Variants in SRPK2 observed in about 807,000 individuals in gnomAD.
The protein encoded by SRPK2 is SRSF protein kinase 2.
SRPK2 carries 21 observed loss-of-function variants against 90.8 expected under a neutral mutation model. The ratio of observed to expected loss-of-function variants is 0.23; its 90% confidence interval spans 0.16 to 0.33. The LOEUF is 0.33. Ranked by LOEUF, SRPK2 falls within the 10% of genes least tolerant of loss-of-function variation. The probability of loss-of-function intolerance (pLI) is 1.00; values close to 1 mark genes in which losing one functional copy is unlikely to be tolerated. For synonymous variants in SRPK2, 288 were observed against 311.1 expected (o/e 0.93, Z 0.78); for missense variants, 620 against 869.0 (o/e 0.71, Z 3.60).
At chr7:105,170,117 G>C (rs776197403) in intron 3 of SRPK2, among the ~76,000 whole-genome samples, 34 of 152,088 alleles carry the variant, frequency 2.2e-4, no homozygotes, top group Admixed American at 3.3e-4. Flanking sequence ...ACCTGGCCAA[G>C]GTTCTGTATT....
At chr7:105,241,574 T>C (rs2129624158) in intron 2 of SRPK2, among the ~76,000 whole-genome samples, 1 of 152,266 alleles carries the variant, frequency 6.6e-6, no homozygotes, top group South Asian at 2.1e-4. Context: ...ACTAGCACAA[T>C]GAGGTTAGGC....
chr7:105,148,309 T>C (rs1281111108), intron 7 of SRPK2, among the ~76,000 whole-genome samples: 1 of 152,198 alleles, frequency 6.6e-6, no homozygotes, highest in African/African-American at 2.4e-5. Flanking sequence ...GAAAATAGCC[T>C]TGGTATCTAG....
intron 2 of SRPK2, among the ~76,000 whole-genome samples, chr7:105,228,381 T>C (rs1270788223): frequency 4.6e-5 from 7 of 152,232 alleles, no homozygotes; most frequent in Non-Finnish European, 8.8e-5. Flanking sequence ...TTACATTTCA[T>C]AAAAGATGTT....
At chr7:105,168,745 ATGTGTGTGTG>A (rs58073613) in intron 4 of SRPK2, among the ~76,000 whole-genome samples, 38 of 104,082 alleles carry the variant, frequency 3.7e-4, no homozygotes, top group East Asian at 5.2e-4. Flanking sequence ...CACGCACCAA[ATGTGTGTGTG>A]TGTGTGTGTG....
chr7:105,277,190 T>A (rs1366340376), intron 2 of SRPK2, among the ~76,000 whole-genome samples: 1 of 151,992 alleles, frequency 6.6e-6, no homozygotes, highest in Non-Finnish European at 1.5e-5. Flanking sequence ...CAGTCTCCTG[T>A]CTCAGCCTCC....
intron 2 of SRPK2, among the ~76,000 whole-genome samples, chr7:105,273,322 T>C (rs1806080303): frequency 2.0e-5 from 3 of 152,130 alleles, no homozygotes; most frequent in Non-Finnish European, 4.4e-5. Flanking sequence ...AAGCATGCCA[T>C]GCTTTTTCAC....
intron 13 of SRPK2, among the ~76,000 whole-genome samples, chr7:105,130,526 G>A (rs1257981778): frequency 6.6e-6 from 1 of 151,866 alleles, no homozygotes; most frequent in Non-Finnish European, 1.5e-5. Context: ...CTTCAGCTTG[G>A]GGAACAGAGC....
intron 2 of SRPK2, among the ~76,000 whole-genome samples, chr7:105,380,158 G>C (rs187146661): frequency 6.6e-4 from 101 of 152,328 alleles, no homozygotes; most frequent in Admixed American, 4.4e-3. Flanking sequence ...TTAAGAGGGA[G>C]TTTCACTGCG....
intron 15 of SRPK2, 148 bp from the exon 16 acceptor site, chr7:105,118,170 A>T: frequency 1.4e-6 from 1 of 730,862 alleles, no homozygotes; most frequent in Non-Finnish European, 2.2e-6. Context: ...TTTCCCCACT[A>T]AGCAATAATC....
intron 2 of SRPK2, among the ~76,000 whole-genome samples, chr7:105,380,858 C>T (rs1820863937): frequency 6.6e-6 from 1 of 150,610 alleles, no homozygotes. Context: ...ATTAGTGGAG[C>T]CACAGCTGAC....
chr7:105,275,161 T>C (rs6975268), intron 2 of SRPK2, among the ~76,000 whole-genome samples: 130,421 of 152,196 alleles, frequency 0.86, 55,969 homozygotes, highest in East Asian at 0.97. Context: ...GCTGGGAGTA[T>C]AAGCATGAGC....
intron 2 of SRPK2, among the ~76,000 whole-genome samples, chr7:105,303,979 G>A (rs909653198): frequency 6.6e-6 from 1 of 152,170 alleles, no homozygotes; most frequent in African/African-American, 2.4e-5. Flanking sequence ...CGGTAGAGTT[G>A]ACTTCAAAAG....
chr7:105,369,565 C>T (rs1179251204), intron 2 of SRPK2, among the ~76,000 whole-genome samples: 2 of 152,170 alleles, frequency 1.3e-5, no homozygotes, highest in Non-Finnish European at 2.9e-5. Flanking sequence ...CACAGCTATA[C>T]ACGATGTATT....
At chr7:105,324,331 CTTTTT>C in intron 2 of SRPK2, among the ~76,000 whole-genome samples, 1 of 146,810 alleles carries the variant, frequency 6.8e-6, no homozygotes, top group African/African-American at 2.5e-5. Context: ...TCCCTTCTTT[CTTTTT>C]TTTTGAGATG....
At chr7:105,280,449 ATGT>A (rs953718122) in intron 2 of SRPK2, among the ~76,000 whole-genome samples, 4 of 151,752 alleles carry the variant, frequency 2.6e-5, no homozygotes, top group Non-Finnish European at 1.5e-5. Flanking sequence ...AAAAATTAAG[ATGT>A]TATTATTTAT....
intron 2 of SRPK2, among the ~76,000 whole-genome samples, chr7:105,257,774 A>G (rs1312657397): frequency 6.6e-6 from 1 of 152,202 alleles, no homozygotes; most frequent in Non-Finnish European, 1.5e-5. Context: ...ATTAAGCTTT[A>G]AAAAGCATTA....
chr7:105,304,661 A>G (rs748496989), intron 2 of SRPK2, among the ~76,000 whole-genome samples: 37 of 152,338 alleles, frequency 2.4e-4, no homozygotes, highest in Non-Finnish European at 5.0e-4. Flanking sequence ...CCCATTAGAC[A>G]GTATCCCGAG....
intron 2 of SRPK2, among the ~76,000 whole-genome samples, chr7:105,233,203 T>G (rs930459951): frequency 4.0e-5 from 6 of 151,836 alleles, no homozygotes; most frequent in Non-Finnish European, 5.9e-5. Context: ...TAATAGTCTT[T>G]GATAGAAACT....
At chr7:105,373,118 T>C (rs565222966) in intron 2 of SRPK2, among the ~76,000 whole-genome samples, 1 of 152,238 alleles carries the variant, frequency 6.6e-6, no homozygotes, top group African/African-American at 2.4e-5. Context: ...CTATTGGACC[T>C]GTAATACAAA....
Sources: allele counts gnomAD v4.1 joint callset (sites outside exome capture counted in the v4.1 genomes callset), GRCh38; gene constraint gnomAD v4.1.1; transcripts MANE v1.5; gene names NCBI Gene and HGNC (gene_info 2026-07-23, HGNC 2026-07-21).